CPEB3: variants seen among roughly 807,000 people sequenced by gnomAD.
CPEB3 encodes the protein cytoplasmic polyadenylation element binding protein 3.
A neutral mutation model predicts 67.2 loss-of-function variants in CPEB3; 20 were observed. The ratio of observed to expected loss-of-function variants is 0.30; its 90% CI spans 0.21 to 0.43. The LOEUF (loss-of-function observed/expected upper bound fraction) is 0.43, where lower values mean the gene tolerates loss of function less well. CPEB3 is among the 20% of genes least tolerant of loss of function. The pLI is 1.00. For synonymous variants in CPEB3, 376 were observed against 393.1 expected, an observed-to-expected ratio of 0.96 and a Z score of 0.51; for missense variants, 746 against 968.6, an observed-to-expected ratio of 0.77 and a Z score of 3.05.
At chr10:92,069,310 T>G (rs1473146139) in intron 9 of CPEB3, among the ~76,000 whole-genome samples, 1 of 152,198 alleles carries the variant, frequency 6.6e-6, no homozygotes, top group Non-Finnish European at 1.5e-5. Flanking sequence ...CTTAAGGTAC[T>G]TGCAAAGAAT....
chr10:92,081,340 G>A lies in CPEB3; in HGVS notation c.1849C>T (p.His617Tyr). Residue 617 changes from histidine to tyrosine, a missense_variant, in exon 9 of 10, where the codon CAC becomes TAC. His to Tyr is a moderately conservative substitution (Grantham distance 83). Transcript: ENST00000265997. ...AISARFVQLQ[H>Y]NDIDKRVEVK... ...CTTACCCGTTTGTCAATGTCATTGT[G>A]CTGAAGCTGCACAAAACGAGCGCTG... 6.2e-7 allele frequency: 1 copy of A among 1,614,182 alleles called. No individual in the cohort carries two copies. The highest frequency in any genetic ancestry group is 8.5e-7 in the Non-Finnish European group (1 of 1,180,038).
rs756970118 is a variant in CPEB3, at chr10:92,188,320, T to TAAAA, written c.1165+4153_1165+4156dup. Among the ~76,000 whole-genome samples the TAAAA allele has an allele frequency of 4.9e-4, 18 of 36,976 alleles. 1 individual carries two copies. The highest frequency in any genetic ancestry group is 2.7e-3 in the East Asian group (3 of 1,128). 24.3% of individuals were successfully genotyped at this position (36,976 alleles called of 152,430 possible). ...AAAGAAAAGTATATGTAAGACATAG[T>TAAAA]AAAAAAAAAAAAAAAAAAAAAAAAA... On this transcript the variant is annotated intron_variant, in intron 3 of 9. Transcript: ENST00000265997.
At chr10:92,228,237 C>G (rs980028771) in intron 2 of CPEB3, among the ~76,000 whole-genome samples, 8 of 152,156 alleles carry the variant, frequency 5.3e-5, no homozygotes, top group African/African-American at 1.9e-4. Context: ...AGTCTACCCA[C>G]AAAATCAAAT....
intron 2 of CPEB3, among the ~76,000 whole-genome samples, chr10:92,215,187 C>G (rs571337471): frequency 3.7e-4 from 56 of 149,428 alleles, no homozygotes; most frequent in Admixed American, 1.2e-3. Flanking sequence ...GAGTCTCACT[C>G]TGTTGCCCGG....
intron 7 of CPEB3, among the ~76,000 whole-genome samples, chr10:92,107,996 G>A (rs1308931380): frequency 1.3e-5 from 2 of 152,176 alleles, no homozygotes; most frequent in Non-Finnish European, 2.9e-5. Flanking sequence ...GACAAGATGG[G>A]TGAAAGGAGA....
intron 9 of CPEB3, among the ~76,000 whole-genome samples, chr10:92,069,960 T>C (rs893288194): frequency 1.3e-5 from 2 of 152,190 alleles, no homozygotes; most frequent in Non-Finnish European, 2.9e-5. Flanking sequence ...TACATGGACA[T>C]GCAGTTGCTA....
At chr10:92,174,205 T>C (rs1036949914) in intron 4 of CPEB3, among the ~76,000 whole-genome samples, 3 of 152,210 alleles carry the variant, frequency 2.0e-5, no homozygotes, top group Non-Finnish European at 2.9e-5. Context: ...TCCTCTCAGC[T>C]GAGCCTCTCC....
At chr10:92,106,632 T>C (rs1190600752) in intron 7 of CPEB3, among the ~76,000 whole-genome samples, 2 of 151,552 alleles carry the variant, frequency 1.3e-5, no homozygotes, top group Admixed American at 6.6e-5. Context: ...CTGGCCAACA[T>C]GGTGAAACCC....
At chr10:92,270,121 G>A (rs1046295579) in intron 1 of CPEB3, among the ~76,000 whole-genome samples, 6 of 152,044 alleles carry the variant, frequency 3.9e-5, no homozygotes, top group Non-Finnish European at 8.8e-5. Context: ...AAGGTAGTAG[G>A]GAAACAGTAC....
chr10:92,119,246 G>A (rs1202169788), intron 6 of CPEB3: 1 of 1,574,808 alleles, frequency 6.3e-7, no homozygotes, highest in Non-Finnish European at 8.7e-7. Flanking sequence ...TCTCCAGCCT[G>A]GGAAAAGTTC....
intron 9 of CPEB3, 89 bp from the exon 10 acceptor site, chr10:92,052,528 C>T (rs540518649): frequency 4.4e-5 from 49 of 1,107,990 alleles, no homozygotes; most frequent in South Asian, 2.1e-4. Flanking sequence ...ATAGCTTCAA[C>T]GTATGTCTCA....
intron 1 of CPEB3, among the ~76,000 whole-genome samples, chr10:92,260,358 C>T (rs1373862376): frequency 6.6e-6 from 1 of 151,886 alleles, no homozygotes; most frequent in African/African-American, 2.4e-5. Context: ...TGAGAACAGC[C>T]TGACCAATAT....
intron 4 of CPEB3, among the ~76,000 whole-genome samples, chr10:92,164,895 C>T (rs539427696): frequency 1.3e-5 from 2 of 152,244 alleles, no homozygotes; most frequent in East Asian, 1.9e-4. Flanking sequence ...TTCATTATTA[C>T]TAACACAACA....
intron 1 of CPEB3, among the ~76,000 whole-genome samples, chr10:92,258,278 TTAG>T (rs1232582222): frequency 6.6e-6 from 1 of 150,906 alleles, no homozygotes; most frequent in Admixed American, 6.6e-5. Context: ...TTTTGTATTT[TTAG>T]TAGAGACAGG....
At chr10:92,139,331 TGGA>T (rs1308185738) in intron 6 of CPEB3, among the ~76,000 whole-genome samples, 1 of 144,564 alleles carries the variant, frequency 6.9e-6, no homozygotes, top group African/African-American at 2.6e-5. Flanking sequence ...ATATACACAG[TGGA>T]GTAGTATTCA....
intron 1 of CPEB3, among the ~76,000 whole-genome samples, chr10:92,248,240 TA>T (rs1852149840): frequency 6.6e-6 from 1 of 152,330 alleles, no homozygotes; most frequent in African/African-American, 2.4e-5. Flanking sequence ...TAATACAATG[TA>T]AGTGTTATGT....
At chr10:92,226,533 A>G (rs1353309398) in intron 2 of CPEB3, among the ~76,000 whole-genome samples, 2 of 152,204 alleles carry the variant, frequency 1.3e-5, no homozygotes, top group Non-Finnish European at 2.9e-5. Flanking sequence ...ACACACTCAA[A>G]AAATATTTAC....
intron 1 of CPEB3, among the ~76,000 whole-genome samples, chr10:92,258,957 C>CCTTT (rs1261335323): frequency 8.2e-4 from 123 of 150,894 alleles, no homozygotes; most frequent in African/African-American, 2.8e-3. Flanking sequence ...CACGCCTGGC[C>CCTTT]CTTTCTTTCT....
At chr10:92,090,311 G>A (rs1480674547) in intron 8 of CPEB3, among the ~76,000 whole-genome samples, 1 of 152,194 alleles carries the variant, frequency 6.6e-6, no homozygotes, top group Non-Finnish European at 1.5e-5. Context: ...GGAGGCTGAG[G>A]TGGGTGGATC....
Sources: gnomAD v4.1 joint callset for allele counts (sites outside exome capture counted in the v4.1 genomes callset) on GRCh38, gnomAD v4.1.1 for gene constraint, MANE v1.5 for transcripts, NCBI Gene and HGNC (gene_info 2026-07-23, HGNC 2026-07-21) for gene names.